Variants in MARCO observed in about 807,000 individuals in gnomAD.
MARCO encodes macrophage receptor MARCO.
In MARCO, 72 loss-of-function variants were observed where a neutral mutation model predicts 70.0. The ratio of observed to expected loss-of-function variants is 1.03; its 90% confidence interval spans 0.85 to 1.25. The LOEUF (loss-of-function observed/expected upper bound fraction) is 1.25, where lower values mean the gene tolerates loss of function less well. Ranked by LOEUF, MARCO falls within the 50% of genes most tolerant of loss-of-function variation. MARCO has a pLI of 0.00. For missense variants in MARCO, 696 were observed against 659.3 expected, an observed-to-expected ratio of 1.06 and a Z score of -0.61; for synonymous variants, 273 against 243.1, an observed-to-expected ratio of 1.12 and a Z score of -1.14.
At chr2:118,950,618 C>A (rs1387822753) in intron 1 of MARCO, among the ~76,000 whole-genome samples, 1 of 152,202 alleles carries the variant, frequency 6.6e-6, no homozygotes, top group Admixed American at 6.5e-5. Context: ...AGTTATACAA[C>A]ATTTCTTGCA....
rs184383891 is a variant in MARCO at position 118,985,159 on chromosome 2, C to A, written c.1063+2749C>A. Among the ~76,000 whole-genome samples, 9 of 152,242 alleles carry A rather than the reference C, an allele frequency of 5.9e-5. No individual in the cohort carries two copies. The East Asian group carries it at 1.7e-3, about 29-fold the overall frequency. ...GAAGCAAAGGCTCAGAGAGAGTAAA[C>A]CCTTTGCTCACAGTGTCACAGGGAG... On this transcript the variant is annotated intron_variant, in intron 12 of 16. Coordinates refer to ENST00000327097, the MANE Select transcript of MARCO (RefSeq NM_006770.4).
chr2:118,965,338 T>C (rs140095598), intron 1 of MARCO, among the ~76,000 whole-genome samples: 1 of 152,340 alleles, frequency 6.6e-6, no homozygotes, highest in Non-Finnish European at 1.5e-5. Flanking sequence ...ATTACACTAT[T>C]CAGCTCATCT....
chr2:118,992,381 G>A, intron 14 of MARCO, 51 bp from the exon 15 acceptor site: 1 of 1,523,198 alleles, frequency 6.6e-7, no homozygotes, highest in Non-Finnish European at 9.1e-7. Flanking sequence ...GCAGGCAAAG[G>A]CGTCCTGCCT....
At chr2:118,965,558 AT>A (rs1355349816) in intron 1 of MARCO, among the ~76,000 whole-genome samples, 2 of 152,076 alleles carry the variant, frequency 1.3e-5, no homozygotes, top group Admixed American at 1.3e-4. Context: ...GTATCTCTTG[AT>A]TGTCTCCTCT....
At chr2:118,992,231 G>T (rs1021167416) in intron 14 of MARCO, among the ~76,000 whole-genome samples, 1 of 152,158 alleles carries the variant, frequency 6.6e-6, no homozygotes, top group African/African-American at 2.4e-5. Context: ...AACCCCTCTT[G>T]CTGTAGCTCA....
In MARCO at chr2:118,951,645, G is replaced by A. The variant is rs992240273; in HGVS notation, c.97+9248G>A. Among the ~76,000 whole-genome samples the A allele has an allele frequency of 2.6e-5, 4 of 152,344 alleles. No homozygotes were observed. The East Asian group carries it at 7.7e-4, about 29-fold the overall frequency. On this transcript the variant is annotated intron_variant, in intron 1 of 16. Coordinates refer to ENST00000327097, the MANE Select transcript of MARCO (RefSeq NM_006770.4). ...AGTGGCCTCAGTGCTTTCGGGCTACGCCCCTGTTTACACTGACAACAAGGT... is the reference window on the plus strand; with the variant it reads ...AGTGGCCTCAGTGCTTTCGGGCTACACCCCTGTTTACACTGACAACAAGGT...
chr2:118,978,860 T>C (rs951677183), intron 8 of MARCO, among the ~76,000 whole-genome samples: 1 of 152,092 alleles, frequency 6.6e-6, no homozygotes, highest in Non-Finnish European at 1.5e-5. Context: ...TTAGTAATAA[T>C]AATAGTAGTA....
At chr2:118,993,033 G>A (rs780767631) in intron 15 of MARCO, 91 bp from the exon 16 acceptor site, 52 of 1,162,022 alleles carry the variant, frequency 4.5e-5, no homozygotes, top group Admixed American at 1.7e-4. Context: ...TTCCTTAACT[G>A]TAGAACTCCA....
intron 2 of MARCO, 123 bp downstream of exon 2, chr2:118,969,384 G>C (rs1440220751): frequency 1.0e-5 from 7 of 701,574 alleles, no homozygotes; most frequent in Non-Finnish European, 1.5e-5. Flanking sequence ...TCTGCTGGGA[G>C]ACAGTCTCAG....
intron 6 of MARCO, among the ~76,000 whole-genome samples, chr2:118,976,627 T>C (rs1049706726): frequency 6.6e-6 from 1 of 152,192 alleles, no homozygotes; most frequent in African/African-American, 2.4e-5. Flanking sequence ...CGTTTCTCAA[T>C]TCCAATTTTG....
chr2:118,967,603 G>C (rs1680077813), intron 1 of MARCO, among the ~76,000 whole-genome samples: 1 of 152,102 alleles, frequency 6.6e-6, no homozygotes. Flanking sequence ...AGTACCACTA[G>C]CTAAACAACC....
chr2:118,975,177 G>A (rs1680256892), intron 6 of MARCO, among the ~76,000 whole-genome samples: 1 of 152,146 alleles, frequency 6.6e-6, no homozygotes, highest in Non-Finnish European at 1.5e-5. Context: ...CAGAGAATGG[G>A]GGGCCCAGAG....
chr2:118,946,789 C>A (rs549432757), intron 1 of MARCO, among the ~76,000 whole-genome samples: 1 of 152,332 alleles, frequency 6.6e-6, no homozygotes, highest in African/African-American at 2.4e-5. Flanking sequence ...CAGCAATGTA[C>A]AACTGATCCA....
At position 118,994,594 on chromosome 2, in the gene MARCO, G is replaced by A. The variant is rs1337804066; in HGVS notation, c.*74G>A. Reference sequence around the variant, plus strand: ...ATGTGGGAAGGCAGAGGATCTCTGAGGAGTTCCCTGGGGACAACTGAGCAG... The same window carrying A: ...ATGTGGGAAGGCAGAGGATCTCTGAAGAGTTCCCTGGGGACAACTGAGCAG... On this transcript the variant is annotated 3_prime_UTR_variant, in exon 17 of 17. Transcript: ENST00000327097. 5.5e-6 allele frequency: 8 copies of A among 1,441,472 alleles called. No homozygotes were observed. The highest frequency in any genetic ancestry group is 7.4e-6 in the Non-Finnish European group (8 of 1,075,474). The allele number at this position is 1,441,472 out of a possible 1,614,324, so 89.3% of individuals were successfully genotyped here.
At position 118,994,526 on chromosome 2, in the gene MARCO, A is replaced by C. The variant is rs1680686315; in HGVS notation, c.*6A>C. On this transcript the variant is annotated 3_prime_UTR_variant, in exon 17 of 17. Coordinates refer to ENST00000327097, the MANE Select transcript of MARCO (RefSeq NM_006770.4). ...GCGTGGAGTGCAGCGTCTGACCCGG[A>C]AACCCTTTCACTTCTCTGCTCCCGA... is the stretch of plus-strand genomic sequence containing the variant. 6.4e-7 allele frequency: 1 copy of C among 1,573,990 alleles called. No homozygotes were observed. Among genetic ancestry groups the C allele is most frequent in the Non-Finnish European group, 8.6e-7 (1 of 1,160,298 alleles).
intron 1 of MARCO, among the ~76,000 whole-genome samples, chr2:118,948,998 C>T (rs781131093): frequency 1.3e-5 from 2 of 152,216 alleles, no homozygotes; most frequent in African/African-American, 4.8e-5. Flanking sequence ...TTGGAAGTGA[C>T]TGACTTCACT....
intron 12 of MARCO, among the ~76,000 whole-genome samples, chr2:118,986,586 G>GAAGAAAGAAAGAAGGAAAGAAAGA (rs1680489553): frequency 2.1e-5 from 1 of 46,666 alleles, no homozygotes; most frequent in Non-Finnish European, 3.7e-5. Context: ...GGGAAGGAAA[G>GAAGAAAGAAAGAAGGAAAGAAAGA]AAGAAAGAAA....
intron 16 of MARCO, 82 bp downstream of exon 16, chr2:118,993,382 C>T (rs1308348568): frequency 3.6e-6 from 5 of 1,397,422 alleles, no homozygotes; most frequent in Non-Finnish European, 5.0e-6. Context: ...TGGCAAGTGA[C>T]TCAGTGTGGT....
intron 1 of MARCO, among the ~76,000 whole-genome samples, chr2:118,957,888 A>T (rs770286368): frequency 6.6e-5 from 10 of 152,272 alleles, no homozygotes; most frequent in African/African-American, 9.6e-5. Context: ...AAACAGAATT[A>T]AAAACAAAAA....
Sources: allele counts gnomAD v4.1 joint callset (sites outside exome capture counted in the v4.1 genomes callset), GRCh38; gene constraint gnomAD v4.1.1; transcripts MANE v1.5; gene names NCBI Gene and HGNC (gene_info 2026-07-23, HGNC 2026-07-21).